IL15RA: variants seen among roughly 807,000 people sequenced by gnomAD.
IL15RA encodes interleukin-15 receptor subunit alpha.
Under a neutral mutation model 24.2 loss-of-function variants are expected in IL15RA, and 26 were observed. The ratio of observed to expected loss-of-function variants is 1.07; its 90% CI spans 0.79 to 1.49. IL15RA has a LOEUF of 1.49. Ranked by LOEUF, IL15RA falls within the 40% of genes most tolerant of loss-of-function variation. The probability of loss-of-function intolerance (pLI) is 0.00; values close to 1 mark genes in which losing one functional copy is unlikely to be tolerated. For synonymous variants in IL15RA, 166 were observed against 157.6 expected (o/e 1.05, Z -0.40); for missense variants, 354 against 356.4 (o/e 0.99, Z 0.05).
Position 5,963,082 on chromosome 10 carries a change from A to C in IL15RA, c.382+661T>G, listed in dbSNP as rs1200609750. Among the ~76,000 whole-genome samples the C allele has an allele frequency of 1.3e-5, 2 of 152,188 alleles. No homozygotes were observed. Among genetic ancestry groups the C allele is most frequent in the Non-Finnish European group, 2.9e-5 (2 of 68,026 alleles). On this transcript the variant is annotated intron_variant, in intron 3 of 6. Transcript: ENST00000379977. The surrounding 1 kb of genome is among the most constrained non-coding windows in gnomAD (Gnocchi z 5.3). ...CCACAGGTCTCTCACATTTTTGCAC[A>C]TCTTGCAGACAGAGGAGCTGATGGC...
chr10:5,958,195 G>A lies in IL15RA; in HGVS notation c.616+1559C>T, dbSNP rs1464560951. The A allele has an allele frequency of 1.9e-5, 7 of 373,514 alleles. No homozygotes were observed. The highest frequency in any genetic ancestry group is 3.8e-5 in the Non-Finnish European group (7 of 182,520). The allele number at this position is 373,514 out of a possible 1,614,324, so 23.1% of individuals were successfully genotyped here. A position where few individuals can be genotyped will look rare whatever the true frequency, so the allele number is the denominator to read the frequency against. On this transcript the variant is annotated intron_variant, in intron 5 of 6. Transcript: ENST00000379977. The surrounding 1 kb of genome is among the most constrained non-coding windows in gnomAD (Gnocchi z 4.3). The stretch of plus-strand genomic sequence containing the variant: ...TGAGATGGTTTTTGTGTCCTGATAT[G>A]GGAGGATCTACAAGGTATACCAGCA...
Position 5,960,270 on chromosome 10 carries a change from G to A in IL15RA, c.583+97C>T, listed in dbSNP as rs374333169. ...GGCTGCCCAGTGAATCCTGACTTTG[G>A]ATTGATGGTATAAAGCTGCCTTGTG... On this transcript the variant is annotated intron_variant, in intron 4 of 6. Transcript: ENST00000379977. This position sits in a 1 kb window ranked among gnomAD's most constrained non-coding sequence, Gnocchi z 5.1. 4.8e-5 allele frequency: 55 copies of A among 1,146,508 alleles called. No individual in the cohort carries two copies. The African/African-American group carries it at 5.9e-4, about 12-fold the overall frequency. 71.0% of individuals were successfully genotyped at this position (1,146,508 alleles called of 1,614,324 possible).
downstream of IL15RA, among the ~76,000 whole-genome samples, chr10:5,950,357 C>T (rs551700855): frequency 1.3e-4 from 20 of 152,242 alleles, no homozygotes; most frequent in South Asian, 8.3e-4. This position sits in a 1 kb window ranked among gnomAD's most constrained non-coding sequence, Gnocchi z 5.6. Context: ...ATTTAGAATA[C>T]GGTGCTCCCA....
upstream of IL15RA, chr10:5,977,551 G>A (rs1239318199): frequency 8.9e-5 from 114 of 1,276,070 alleles, no homozygotes; most frequent in Non-Finnish European, 7.2e-5. Context: ...CAGGCCGGGG[G>A]GAGGTGGCGA....
At position 5,975,187 on chromosome 10, in the gene IL15RA, C is replaced by A. The variant is rs535347409; in HGVS notation, c.88+2218G>T. On this transcript the variant is annotated intron_variant, in intron 1 of 6. Transcript: ENST00000379977. The surrounding 1 kb of genome is among the most constrained non-coding windows in gnomAD (Gnocchi z 4.8). ...CCAAACTGGAAACAACCCAAATGTC[C>A]CTTAACAAGTGAATGGCTAAACAAA... 7.3e-5 allele frequency among the ~76,000 whole-genome samples: 11 copies of A among 151,166 alleles called. No individual in the cohort carries two copies. Among genetic ancestry groups the A allele is most frequent in the Non-Finnish European group, 1.2e-4 (8 of 68,030 alleles).
downstream of IL15RA, among the ~76,000 whole-genome samples, chr10:5,950,095 C>CA (rs3085932): frequency 6.7e-5 from 10 of 149,952 alleles, no homozygotes; most frequent in South Asian, 2.1e-4. This position sits in a 1 kb window ranked among gnomAD's most constrained non-coding sequence, Gnocchi z 5.6. Context: ...GACTCTGTCT[C>CA]AAAAAAAAAG....
At chr10:5,952,137 C>T (rs1425239370), downstream of IL15RA, among the ~76,000 whole-genome samples, 3 of 152,156 alleles carry the variant, frequency 2.0e-5, no homozygotes, top group Non-Finnish European at 4.4e-5. Flanking sequence ...AGGGAAGAGA[C>T]GATGTGTATA....
Position 5,960,565 on chromosome 10 carries a change from G to A in IL15RA, c.385C>T (p.Pro129Ser). ...PESLSPSGKE[P>S]AASSPSSNNT... ...TTTGAGCTGGGAGATGAAGCTGCGG[G>A]CTCTGTAGGAGAGTCCAAGGCAGGG... Residue 129 changes from proline (P) to serine (S), a missense_variant and splice_region_variant, in exon 4 of 7, where the codon CCC (proline) becomes TCC (serine). Transcript: ENST00000379977. The surrounding 1 kb of genome is among the most constrained non-coding windows in gnomAD (Gnocchi z 5.1). The A allele has an allele frequency of 6.2e-7, 1 of 1,613,758 alleles. No individual in the cohort carries two copies. Among genetic ancestry groups the A allele is most frequent in the Non-Finnish European group, 8.5e-7 (1 of 1,179,902 alleles).
Position 5,966,440 on chromosome 10 carries a change from G to C in IL15RA, c.89-101C>G, listed in dbSNP as rs1836555827. On this transcript the variant is annotated intron_variant, in intron 1 of 6. Coordinates refer to ENST00000379977, the MANE Select transcript of IL15RA (RefSeq NM_002189.4). This position sits in a 1 kb window ranked among gnomAD's most constrained non-coding sequence, Gnocchi z 6.4. ...GTAGTCAGTGTCCAGCTTATCCTAG[G>C]GGTGCCTCAGGACAAGCCCCAGGTG... 6 of 966,272 alleles carry C rather than the reference G, an allele frequency of 6.2e-6. No homozygotes were observed. Among genetic ancestry groups the C allele is most frequent in the Middle Eastern group, 3.3e-4 (1 of 3,020 alleles). The allele number at this position is 966,272 out of a possible 1,614,324, so 59.9% of individuals were successfully genotyped here. A position where few individuals can be genotyped will look rare whatever the true frequency, so the allele number is the denominator to read the frequency against.
downstream of IL15RA, among the ~76,000 whole-genome samples, chr10:5,951,391 C>T (rs1472524149): frequency 6.6e-6 from 1 of 152,192 alleles, no homozygotes; most frequent in Non-Finnish European, 1.5e-5. Flanking sequence ...GTGGATTGGG[C>T]ACTATGCCCA....
chr10:5,975,457 T>G lies in IL15RA; in HGVS notation c.88+1948A>C, dbSNP rs1838274600. On this transcript the variant is annotated intron_variant, in intron 1 of 6. Transcript: ENST00000379977. The surrounding 1 kb of genome is among the most constrained non-coding windows in gnomAD (Gnocchi z 4.8). Reference sequence around the variant, plus strand: ...GGCATGAGGAAGTCTTTGGGAGTGATAGTTGTGTTCACTCTTGGTGGTGGC... The same window carrying G: ...GGCATGAGGAAGTCTTTGGGAGTGAGAGTTGTGTTCACTCTTGGTGGTGGC... Among the ~76,000 whole-genome samples the G allele has an allele frequency of 6.6e-6, 1 of 150,644 alleles. No individual in the cohort carries two copies. Among genetic ancestry groups the G allele is most frequent in the African/African-American group, 2.5e-5 (1 of 40,024 alleles).
chr10:5,978,228 G>A (rs8177762), upstream of IL15RA: 6,454 of 152,628 alleles, frequency 0.042, 162 homozygotes, highest in South Asian at 0.073. This position sits in a 1 kb window ranked among gnomAD's most constrained non-coding sequence, Gnocchi z 5.2. Flanking sequence ...AGGAGAGGGG[G>A]CGGAGGGGGG....
chr10:5,950,333 T>A (rs1164638245), downstream of IL15RA, among the ~76,000 whole-genome samples: 1 of 152,162 alleles, frequency 6.6e-6, no homozygotes, highest in Non-Finnish European at 1.5e-5. The surrounding 1 kb of genome is among the most constrained non-coding windows in gnomAD (Gnocchi z 5.6). Context: ...ACGGGTATAT[T>A]GTGTGATGCT....
rs1030632576 is a variant in IL15RA at position 5,963,264 on chromosome 10, C to T, written c.382+479G>A. ...AGGCTTCCTCTCCCACAGTGCAGCC[C>T]GCTGAGTGGACAGGCATCTGTTCAG... On this transcript the variant is annotated intron_variant, in intron 3 of 6. Coordinates refer to ENST00000379977, the MANE Select transcript of IL15RA (RefSeq NM_002189.4). The surrounding 1 kb of genome is among the most constrained non-coding windows in gnomAD (Gnocchi z 5.3). 3.3e-5 allele frequency among the ~76,000 whole-genome samples: 5 copies of T among 152,326 alleles called. No individual in the cohort carries two copies. The highest frequency in any genetic ancestry group is 2.1e-4 in the South Asian group (1 of 4,824).
At chr10:5,951,048 A>T (rs1480916639), downstream of IL15RA, among the ~76,000 whole-genome samples, 10 of 143,702 alleles carry the variant, frequency 7.0e-5, no homozygotes, top group Admixed American at 7.3e-4. Flanking sequence ...AGGCTGAGGC[A>T]GGAGAATGGC....
intron 6 of IL15RA, 39 bp downstream of exon 6, chr10:5,956,340 A>C (rs780770609): frequency 1.3e-6 from 2 of 1,509,134 alleles, no homozygotes; most frequent in Non-Finnish European, 1.8e-6. Context: ...CTCATGGGGA[A>C]GTCTAACTCT....
chr10:5,975,777 C>T lies in IL15RA; in HGVS notation c.88+1628G>A, dbSNP rs1014918315. ...GCGTGGTGGCGATCGCCTGTAATCC[C>T]AGCTACTCAGGAGGCTGAGGCAGCA... On this transcript the variant is annotated intron_variant, in intron 1 of 6. Transcript: ENST00000379977. The surrounding 1 kb of genome is among the most constrained non-coding windows in gnomAD (Gnocchi z 4.8). Among the ~76,000 whole-genome samples, 2 of 152,114 alleles carry T rather than the reference C, an allele frequency of 1.3e-5. No homozygotes were observed. Among genetic ancestry groups the T allele is most frequent in the Non-Finnish European group, 2.9e-5 (2 of 68,028 alleles).
At chr10:5,954,106 T>A (rs1186817444) in intron 6 of IL15RA, 1 of 152,108 alleles carries the variant, frequency 6.6e-6, no homozygotes, top group African/African-American at 2.4e-5. Context: ...AAAACAAGTT[T>A]ATGGAAAGAA....
chr10:5,956,510 C>A, intron 5 of IL15RA, 56 bp from the exon 6 acceptor site: 1 of 1,317,530 alleles, frequency 7.6e-7, no homozygotes. Flanking sequence ...TGCTACGAAC[C>A]ACAAATTCTT....
Sources: gnomAD v4.1 joint callset for allele counts (sites outside exome capture counted in the v4.1 genomes callset) on GRCh38, gnomAD v4.1.1 for gene constraint, Gnocchi (gnomAD v3.1) non-coding constraint, MANE v1.5 for transcripts, NCBI Gene and HGNC (gene_info 2026-07-23, HGNC 2026-07-21) for gene names.